The following MDFIC variants were observed in gnomAD, a reference collection of about 807,000 sequenced individuals.
MDFIC encodes MyoD family inhibitor domain containing.
A neutral mutation model predicts 23.2 loss-of-function variants in MDFIC; 17 were observed. The observed-to-expected ratio is 0.73, with a 90% confidence interval of 0.50 to 1.10. MDFIC has a LOEUF of 1.10. Ranked by LOEUF, MDFIC falls within the 50% of genes least tolerant of loss-of-function variation. The pLI is 0.00. For synonymous variants in MDFIC, 120 were observed against 115.2 expected (o/e 1.04, Z -0.27); for missense variants, 356 against 316.6 (o/e 1.12, Z -0.95).
chr7:114,945,711 A>G (rs1402127940), intron 3 of MDFIC, among the ~76,000 whole-genome samples: 3 of 152,252 alleles, frequency 2.0e-5, no homozygotes, highest in African/African-American at 7.2e-5. Context: ...TTAAATTTAA[A>G]AAGACAATTC....
At chr7:114,924,246 G>C (rs1360488397) in intron 2 of MDFIC, among the ~76,000 whole-genome samples, 1 of 152,164 alleles carries the variant, frequency 6.6e-6, no homozygotes. Context: ...CTGAGAAGCA[G>C]CCCGTGTTCT....
At chr7:114,967,311 AG>A (rs1435928979) in intron 3 of MDFIC, among the ~76,000 whole-genome samples, 1 of 152,162 alleles carries the variant, frequency 6.6e-6, no homozygotes, top group Non-Finnish European at 1.5e-5. Flanking sequence ...CATCTCCTGG[AG>A]GGTTTCTGGA....
chr7:114,984,401 A>C (rs1240092245), intron 4 of MDFIC, among the ~76,000 whole-genome samples: 1 of 152,142 alleles, frequency 6.6e-6, no homozygotes, highest in Non-Finnish European at 1.5e-5. Flanking sequence ...ACAATGCTCT[A>C]TTCCAAATCA....
chr7:114,971,575 A>G (rs1259507359), intron 3 of MDFIC, among the ~76,000 whole-genome samples: 1 of 152,168 alleles, frequency 6.6e-6, no homozygotes, highest in Non-Finnish European at 1.5e-5. Flanking sequence ...CTTCTTGCAT[A>G]CTTTGTGACC....
At chr7:114,974,077 A>T (rs1197459731) in intron 3 of MDFIC, among the ~76,000 whole-genome samples, 1 of 152,164 alleles carries the variant, frequency 6.6e-6, no homozygotes, top group Non-Finnish European at 1.5e-5. Context: ...ATTGGGATAT[A>T]GGGTCCATGT....
intron 2 of MDFIC, chr7:114,923,477 G>C: frequency 6.5e-7 from 1 of 1,537,844 alleles, no homozygotes; most frequent in Non-Finnish European, 8.7e-7. Context: ...AGCAGATCCA[G>C]GACTGCCGCA....
At chr7:114,966,435 C>G (rs1449241538) in intron 3 of MDFIC, among the ~76,000 whole-genome samples, 1 of 149,618 alleles carries the variant, frequency 6.7e-6, no homozygotes, top group Non-Finnish European at 1.5e-5. Context: ...AAAAACACCA[C>G]CAAACTGGGA....
chr7:115,008,100 G>C (rs1054479511), intron 4 of MDFIC, among the ~76,000 whole-genome samples: 2 of 151,980 alleles, frequency 1.3e-5, no homozygotes, highest in African/African-American at 4.8e-5. Context: ...ATGTCTCTGA[G>C]AATTTGGAAT....
At chr7:114,931,577 A>C (rs1792309321) in intron 2 of MDFIC, among the ~76,000 whole-genome samples, 1 of 152,228 alleles carries the variant, frequency 6.6e-6, no homozygotes, top group South Asian at 2.1e-4. Context: ...AGGATAAGAC[A>C]CAAATGTTTA....
intron 3 of MDFIC, among the ~76,000 whole-genome samples, chr7:114,967,830 C>CTTTTTTTTTTTTTTTTTTTTTTTTT (rs56343596): frequency 8.4e-6 from 1 of 118,808 alleles, no homozygotes; most frequent in African/African-American, 3.1e-5. Context: ...TCTTTCTTTT[C>CTTTTTTTTTTTTTTTTTTTTTTTTT]TTTTTTTTTT....
chr7:115,005,274 T>C (rs1328769416), intron 4 of MDFIC, among the ~76,000 whole-genome samples: 1 of 152,192 alleles, frequency 6.6e-6, no homozygotes, highest in Non-Finnish European at 1.5e-5. Flanking sequence ...ACAATCCTTA[T>C]ACATACACTA....
In MDFIC at chr7:114,953,009, A is replaced by G. The variant is rs80031362; in HGVS notation, c.217+10612A>G. 3.3e-5 allele frequency among the ~76,000 whole-genome samples: 5 copies of G among 152,274 alleles called. No homozygotes were observed. In the East Asian group the frequency reaches 9.7e-4, roughly 29 times the overall value. On this transcript the variant is annotated intron_variant, in intron 3 of 4. Coordinates refer to ENST00000393486, the MANE Select transcript of MDFIC (RefSeq NM_001166345.3). ...TACCATTTTCTTCTTATTCTTTGTGAGTTGGGTTCTTATTATTATGTTTCT... is the reference window on the plus strand; with the variant it reads ...TACCATTTTCTTCTTATTCTTTGTGGGTTGGGTTCTTATTATTATGTTTCT...
At chr7:114,956,296 G>A (rs192352826) in intron 3 of MDFIC, among the ~76,000 whole-genome samples, 6 of 151,960 alleles carry the variant, frequency 3.9e-5, no homozygotes, top group South Asian at 2.1e-4. Context: ...CATCTTTGTT[G>A]TGCTAAATTC....
chr7:114,967,731 T>G (rs1793128232), intron 3 of MDFIC, among the ~76,000 whole-genome samples: 1 of 152,092 alleles, frequency 6.6e-6, no homozygotes, highest in Non-Finnish European at 1.5e-5. Context: ...AATGTTACCT[T>G]GAGAGATTTA....
intron 3 of MDFIC, among the ~76,000 whole-genome samples, chr7:114,966,573 C>T (rs1793101057): frequency 1.3e-5 from 2 of 152,204 alleles, no homozygotes; most frequent in South Asian, 4.1e-4. Context: ...AATTTTACAA[C>T]CCACAGTCAC....
intron 3 of MDFIC, among the ~76,000 whole-genome samples, chr7:114,972,244 A>G (rs1793218996): frequency 6.6e-6 from 1 of 152,138 alleles, no homozygotes; most frequent in Non-Finnish European, 1.5e-5. Context: ...CTACAGGCTT[A>G]CCACTATTTA....
At chr7:114,997,207 C>T (rs1011958135) in intron 4 of MDFIC, among the ~76,000 whole-genome samples, 4 of 151,922 alleles carry the variant, frequency 2.6e-5, no homozygotes, top group South Asian at 2.1e-4. Flanking sequence ...AGGAGTTTTC[C>T]GAAAGGAGAA....
intron 3 of MDFIC, among the ~76,000 whole-genome samples, chr7:114,960,193 C>T (rs577958633): frequency 2.6e-5 from 4 of 152,156 alleles, no homozygotes; most frequent in East Asian, 1.9e-4. Context: ...ATATGAAAAT[C>T]GAAATGGAAA....
intron 3 of MDFIC, among the ~76,000 whole-genome samples, chr7:114,976,474 C>A (rs1473590232): frequency 6.6e-6 from 1 of 152,106 alleles, no homozygotes; most frequent in Non-Finnish European, 1.5e-5. Flanking sequence ...GCAGCAAATT[C>A]ATCTCTAAAT....
Sources: gnomAD v4.1 joint callset for allele counts (sites outside exome capture counted in the v4.1 genomes callset) on GRCh38, gnomAD v4.1.1 for gene constraint, MANE v1.5 for transcripts, NCBI Gene and HGNC (gene_info 2026-07-23, HGNC 2026-07-21) for gene names.